Variants in METTL24 observed in about 807,000 individuals in gnomAD.
METTL24 encodes the protein probable methyltransferase-like protein 24.
In METTL24, 29 loss-of-function variants were observed where a neutral mutation model predicts 32.7. The ratio of observed to expected loss-of-function variants is 0.89; its 90% CI spans 0.66 to 1.21. METTL24 has a LOEUF of 1.21. Ranked by LOEUF, METTL24 falls within the 50% of genes most tolerant of loss-of-function variation. METTL24 has a pLI of 0.00. For missense variants in METTL24, 439 were observed against 468.1 expected (o/e 0.94, Z 0.57); for synonymous variants, 163 against 179.5 (o/e 0.91, Z 0.73).
intron 1 of METTL24, among the ~76,000 whole-genome samples, chr6:110,349,188 A>G (rs1166870574): frequency 6.6e-6 from 1 of 152,012 alleles, no homozygotes; most frequent in Non-Finnish European, 1.5e-5. Flanking sequence ...CCCGTCTCCA[A>G]CTCTCTGACT....
chr6:110,259,528 C>T lies in METTL24; in HGVS notation c.787-13268G>A, dbSNP rs890773570. Among the ~76,000 whole-genome samples the T allele has an allele frequency of 4.6e-5, 7 of 152,344 alleles. No individual in the cohort carries two copies. The East Asian group carries it at 5.8e-4, about 13-fold the overall frequency. On this transcript the variant is annotated intron_variant, in intron 4 of 4. Transcript: ENST00000338882. ...GGAGGCCTGCCTGCCTCTGTGGACTCCACCTCTGGGGGCAGGGCATAGCCA... is the reference window on the plus strand; with the variant it reads ...GGAGGCCTGCCTGCCTCTGTGGACTTCACCTCTGGGGGCAGGGCATAGCCA...
At chr6:110,254,345 G>A (rs1778341487) in intron 4 of METTL24, 2 of 153,890 alleles carry the variant, frequency 1.3e-5, no homozygotes, top group African/African-American at 4.8e-5. Flanking sequence ...TTTTAAAATT[G>A]AATTATCAAC....
chr6:110,356,906 T>G (rs7767851), intron 1 of METTL24, among the ~76,000 whole-genome samples: 137,484 of 152,292 alleles, frequency 0.9, 62,218 homozygotes, highest in African/African-American at 0.94. Flanking sequence ...AGCGAGGAAG[T>G]GAAGCCCGGC....
intron 2 of METTL24, among the ~76,000 whole-genome samples, chr6:110,321,109 C>G (rs1258449357): frequency 6.6e-6 from 1 of 152,082 alleles, no homozygotes; most frequent in Non-Finnish European, 1.5e-5. Flanking sequence ...TGGTGACAGG[C>G]TCCTGTAATC....
At chr6:110,276,951 A>G (rs1172813239) in intron 4 of METTL24, among the ~76,000 whole-genome samples, 2 of 152,226 alleles carry the variant, frequency 1.3e-5, no homozygotes, top group Non-Finnish European at 2.9e-5. Flanking sequence ...TGGGGGAACC[A>G]CATAGAAGCT....
intron 1 of METTL24, among the ~76,000 whole-genome samples, chr6:110,350,824 T>TAAAATAAAATAAAATAAAATAAAATAAAA (rs1554218376): frequency 1.0e-5 from 1 of 98,734 alleles, no homozygotes; most frequent in African/African-American, 3.8e-5. Flanking sequence ...AAATAAAAAA[T>TAAAATAAAATAAAATAAAATAAAATAAAA]TAGGCCAGGC....
chr6:110,278,172 C>T (rs530878849), intron 4 of METTL24, among the ~76,000 whole-genome samples: 2 of 152,284 alleles, frequency 1.3e-5, no homozygotes, highest in Non-Finnish European at 2.9e-5. Context: ...CACAGGCATG[C>T]TGAGTCTTTC....
At chr6:110,275,449 T>G (rs1027494774) in intron 4 of METTL24, among the ~76,000 whole-genome samples, 1 of 152,158 alleles carries the variant, frequency 6.6e-6, no homozygotes, top group Non-Finnish European at 1.5e-5. Flanking sequence ...CTACCTTTGG[T>G]AAATTCCTAT....
intron 4 of METTL24, among the ~76,000 whole-genome samples, chr6:110,271,345 G>A (rs1209070404): frequency 6.6e-6 from 1 of 152,048 alleles, no homozygotes; most frequent in East Asian, 1.9e-4. Flanking sequence ...GCCCAGGCTG[G>A]AGTACAGTGG....
chr6:110,305,870 T>C (rs550490019), intron 3 of METTL24, among the ~76,000 whole-genome samples: 1 of 152,302 alleles, frequency 6.6e-6, no homozygotes, highest in Admixed American at 6.5e-5. Flanking sequence ...TAAAGGCACA[T>C]GCACACATAT....
chr6:110,335,077 T>C (rs1772187329), intron 1 of METTL24, among the ~76,000 whole-genome samples: 2 of 152,192 alleles, frequency 1.3e-5, no homozygotes, highest in African/African-American at 4.8e-5. Context: ...GAACCAAAAG[T>C]ATTTCAACCT....
At chr6:110,318,141 A>G (rs1196210171) in intron 2 of METTL24, among the ~76,000 whole-genome samples, 4 of 152,246 alleles carry the variant, frequency 2.6e-5, no homozygotes, top group Admixed American at 2.6e-4. Context: ...TAGGCATTGA[A>G]GATCCGCAGT....
At chr6:110,351,739 G>C (rs1041063987) in intron 1 of METTL24, among the ~76,000 whole-genome samples, 1 of 152,218 alleles carries the variant, frequency 6.6e-6, no homozygotes, top group Non-Finnish European at 1.5e-5. Context: ...AGTGGCCTGA[G>C]CCGGCTGGTC....
In METTL24 at chr6:110,333,203, C is replaced by T. The variant is rs138661802; in HGVS notation, c.319-10331G>A. ...CCCCAAACATTTACCAGCCCTGAGACGTCAGTGTATTCAGGAGGAAGGTCT... is the reference window on the plus strand; with the variant it reads ...CCCCAAACATTTACCAGCCCTGAGATGTCAGTGTATTCAGGAGGAAGGTCT... On this transcript the variant is annotated intron_variant, in intron 1 of 4. Transcript: ENST00000338882. 9.0e-3 allele frequency among the ~76,000 whole-genome samples: 1,364 copies of T among 152,226 alleles called. 23 individuals are homozygous for T. The highest frequency in any genetic ancestry group is 0.03 in the African/African-American group (1,236 of 41,528).
intron 1 of METTL24, among the ~76,000 whole-genome samples, chr6:110,347,610 C>T (rs1182786849): frequency 6.6e-6 from 1 of 152,152 alleles, no homozygotes; most frequent in Admixed American, 6.5e-5. Context: ...CTCCAACTGG[C>T]CTCCCTTGAA....
intron 4 of METTL24, among the ~76,000 whole-genome samples, chr6:110,259,437 C>T (rs539228790): frequency 1.6e-4 from 25 of 152,288 alleles, no homozygotes; most frequent in South Asian, 6.2e-4. Context: ...CCACCATTGC[C>T]GAAGCTTGAG....
intron 1 of METTL24, among the ~76,000 whole-genome samples, chr6:110,355,816 C>T (rs1453054699): frequency 6.6e-6 from 1 of 152,184 alleles, no homozygotes; most frequent in Non-Finnish European, 1.5e-5. Flanking sequence ...CTTCTCACCA[C>T]CTCCACACCT....
intron 4 of METTL24, among the ~76,000 whole-genome samples, chr6:110,253,040 G>GGC (rs1778311807): frequency 6.6e-6 from 1 of 152,218 alleles, no homozygotes; most frequent in African/African-American, 2.4e-5. Context: ...TGGTAGAAGT[G>GGC]ATTCTAAGTG....
chr6:110,257,292 G>A (rs190666496), intron 4 of METTL24, among the ~76,000 whole-genome samples: 2 of 152,230 alleles, frequency 1.3e-5, no homozygotes, highest in Non-Finnish European at 1.5e-5. Context: ...TTGTGGGTGT[G>A]TACAAGGAAG....
Sources: gnomAD v4.1 joint callset for allele counts (sites outside exome capture counted in the v4.1 genomes callset) on GRCh38, gnomAD v4.1.1 for gene constraint, MANE v1.5 for transcripts, NCBI Gene and HGNC (gene_info 2026-07-23, HGNC 2026-07-21) for gene names.